RNF32: variants seen among roughly 807,000 people sequenced by gnomAD.
RNF32 encodes the protein ring finger protein 32.
In RNF32, 36 loss-of-function variants were observed where a neutral mutation model predicts 41.0. The ratio of observed to expected loss-of-function variants is 0.88; its 90% CI spans 0.67 to 1.16. The LOEUF (loss-of-function observed/expected upper bound fraction) is 1.16. RNF32 is among the 50% of genes most tolerant of loss of function. The pLI, the probability that RNF32 is intolerant of heterozygous loss-of-function variation, is 0.00. For missense variants in RNF32, 413 were observed against 436.7 expected, an observed-to-expected ratio of 0.95 and a Z score of 0.48; for synonymous variants, 154 against 160.9, an observed-to-expected ratio of 0.96 and a Z score of 0.32.
Position 156,676,684 on chromosome 7 carries a change from C to T in RNF32, c.*29C>T. The T allele has an allele frequency of 6.4e-7, 1 of 1,572,962 alleles. No homozygotes were observed. The highest frequency in any genetic ancestry group is 1.1e-5 in the South Asian group (1 of 90,050). ...CATAGTCAAGGAAAGTTAGGTAATT[C>T]TGAGGAAAAAAGTTTACCATCATTT... On this transcript the variant is annotated 3_prime_UTR_variant, in exon 9 of 9. Transcript: ENST00000317955.
At chr7:156,675,205 G>A in intron 7 of RNF32, among the ~76,000 whole-genome samples, 1 of 152,238 alleles carries the variant, frequency 6.6e-6, no homozygotes. Context: ...GTTGGATGAG[G>A]ACACAGAGGT....
At chr7:156,648,017 A>T in intron 3 of RNF32, among the ~76,000 whole-genome samples, 1 of 138,374 alleles carries the variant, frequency 7.2e-6, no homozygotes. Flanking sequence ...CCTCTTTTTG[A>T]TGGGATTATT....
chr7:156,668,083 A>G (rs1026187448), intron 7 of RNF32, among the ~76,000 whole-genome samples: 4 of 152,200 alleles, frequency 2.6e-5, no homozygotes, highest in African/African-American at 9.7e-5. Context: ...CCTAAAGTCA[A>G]AATTTCTTGA....
At chr7:156,658,804 C>G in intron 7 of RNF32, 4 of 1,141,508 alleles carry the variant, frequency 3.5e-6, no homozygotes, top group Non-Finnish European at 5.1e-6. Context: ...TAGGTTAAAT[C>G]AAAGCAACTT....
At chr7:156,662,254 A>G (rs1303087699) in intron 7 of RNF32, among the ~76,000 whole-genome samples, 1 of 152,054 alleles carries the variant, frequency 6.6e-6, no homozygotes, top group Non-Finnish European at 1.5e-5. Context: ...CTTTTTTTCT[A>G]CCTTTCCAAC....
Position 156,676,255 on chromosome 7 carries a change from A to AC in RNF32, c.853-164_853-163insC, listed in dbSNP as rs1473404325. ...AGAGTATATGTGTGTGTATATATAT[A>AC]TGTATATATATAAATAAAATGCATG... On this transcript the variant is annotated intron_variant, in intron 8 of 8. Transcript: ENST00000317955. 5 of 1,539,372 alleles carry AC rather than the reference A, an allele frequency of 3.2e-6. No homozygotes were observed. In the Admixed American group the frequency reaches 9.9e-5, roughly 30 times the overall value.
At chr7:156,658,850 CTT>C (rs1207612644) in intron 7 of RNF32, 5 of 1,504,164 alleles carry the variant, frequency 3.3e-6, no homozygotes, top group Admixed American at 2.0e-5. Flanking sequence ...TTTAAATAAA[CTT>C]ATCTCTTCAG....
chr7:156,675,552 G>C, intron 7 of RNF32, 144 bp from the exon 8 acceptor site: 2 of 641,710 alleles, frequency 3.1e-6, no homozygotes, highest in Non-Finnish European at 5.4e-6. Flanking sequence ...AAGTAAAATA[G>C]ACATATATCT....
At chr7:156,661,298 C>T (rs556707769) in intron 7 of RNF32, among the ~76,000 whole-genome samples, 33 of 150,736 alleles carry the variant, frequency 2.2e-4, no homozygotes, top group African/African-American at 8.1e-4. Flanking sequence ...AGAGGGGGTT[C>T]GTTCTGTTGC....
Position 156,671,033 on chromosome 7 carries a change from T to C in RNF32, c.685-4663T>C, listed in dbSNP as rs548897120. Among the ~76,000 whole-genome samples the C allele has an allele frequency of 3.3e-5, 5 of 152,326 alleles. No homozygotes were observed. The East Asian group carries it at 9.6e-4, about 29-fold the overall frequency. On this transcript the variant is annotated intron_variant, in intron 7 of 8. Coordinates refer to ENST00000317955, the MANE Select transcript of RNF32 (RefSeq NM_030936.4). ...AATTAAGTATGCTCAGATCCTTGTA[T>C]TGGTTCGAGGGATAAAAATTCCAAT...
chr7:156,663,354 A>T (rs1230295183), intron 7 of RNF32, among the ~76,000 whole-genome samples: 4 of 152,258 alleles, frequency 2.6e-5, no homozygotes, highest in Admixed American at 2.6e-4. Context: ...TGTTATGCAT[A>T]TTATATAAAT....
chr7:156,659,745 A>T (rs1800320561), intron 7 of RNF32: 1 of 700,436 alleles, frequency 1.4e-6, no homozygotes, highest in Non-Finnish European at 1.8e-6. Flanking sequence ...GTTGCTGGAA[A>T]CAAGTGAAGC....
chr7:156,675,044 C>A (rs1471345255), intron 7 of RNF32, among the ~76,000 whole-genome samples: 1 of 152,166 alleles, frequency 6.6e-6, no homozygotes, highest in South Asian at 2.1e-4. Flanking sequence ...GAAAATTACA[C>A]GGATTTACTT....
intron 7 of RNF32, chr7:156,659,090 T>C: frequency 8.1e-6 from 11 of 1,358,132 alleles, no homozygotes; most frequent in South Asian, 2.0e-5. Flanking sequence ...AGTTTTACTT[T>C]TGGGGGACTT....
chr7:156,673,796 C>T (rs375782678), intron 7 of RNF32, among the ~76,000 whole-genome samples: 1 of 152,130 alleles, frequency 6.6e-6, no homozygotes, highest in East Asian at 1.9e-4. Context: ...GTCTCACGAT[C>T]TTTTTGCAGA....
intron 7 of RNF32, among the ~76,000 whole-genome samples, chr7:156,662,516 G>GACTC (rs1800791093): frequency 6.6e-6 from 1 of 152,052 alleles, no homozygotes; most frequent in African/African-American, 2.4e-5. Flanking sequence ...TGAATCAGTG[G>GACTC]ACTCAGTAAA....
At chr7:156,663,602 A>AT (rs1353309487) in intron 7 of RNF32, among the ~76,000 whole-genome samples, 2 of 152,264 alleles carry the variant, frequency 1.3e-5, no homozygotes. Context: ...GGTTAACTCT[A>AT]AAGTTTATCT....
intron 4 of RNF32, among the ~76,000 whole-genome samples, chr7:156,655,293 T>TAG (rs1045186230): frequency 9.5e-5 from 14 of 148,136 alleles, no homozygotes; most frequent in East Asian, 4.0e-4. Context: ...TATATATATA[T>TAG]AGAGAGAGAG....
intron 3 of RNF32, among the ~76,000 whole-genome samples, chr7:156,645,352 G>A (rs1046136688): frequency 3.9e-5 from 6 of 152,226 alleles, no homozygotes; most frequent in Non-Finnish European, 5.9e-5. Flanking sequence ...GTCTCCTGCT[G>A]AAAGGTACAA....
Sources: allele counts gnomAD v4.1 joint callset (sites outside exome capture counted in the v4.1 genomes callset), GRCh38; gene constraint gnomAD v4.1.1; transcripts MANE v1.5; gene names NCBI Gene and HGNC (gene_info 2026-07-23, HGNC 2026-07-21).